Variants in NCL observed in about 807,000 individuals in gnomAD.
The protein encoded by NCL is nucleolin multifunctional protein.
A neutral mutation model predicts 77.7 loss-of-function variants in NCL; 4 were observed. That is an observed-to-expected ratio of 0.05 (90% CI 0.03 to 0.12). The LOEUF (loss-of-function observed/expected upper bound fraction) is 0.12. NCL is among the 10% of genes least tolerant of loss of function. NCL has a pLI of 1.00. For missense variants in NCL, 763 were observed against 860.9 expected (o/e 0.89, Z 1.42); for synonymous variants, 344 against 297.8 (o/e 1.16, Z -1.60).
intron 2 of NCL, 149 bp downstream of exon 2, chr2:231,463,051 A>G: frequency 1.6e-6 from 1 of 639,632 alleles, no homozygotes; most frequent in Non-Finnish European, 2.7e-6. Flanking sequence ...ACATCTTGAC[A>G]TGTCAATGAA....
At chr2:231,458,919 C>T (rs1175776941) in intron 7 of NCL, 82 bp downstream of exon 7, 5 of 1,348,990 alleles carry the variant, frequency 3.7e-6, no homozygotes, top group Non-Finnish European at 4.9e-6. Context: ...TAAGAGGAAA[C>T]CAAGGGAAAT....
chr2:231,456,739 A>C lies in NCL; in HGVS notation c.1597T>G (p.Phe533Val). Reference protein sequence around the residue: ...KGYAFIEFASFEDAKEALNSC... With the variant: ...KGYAFIEFASVEDAKEALNSC... ...TTTAAAGCTTCTTTAGCGTCTTCGA[A>C]TGAAGCAAACTCTATAAATGCATAC... The change falls in exon 11 of 14, where the codon TTC becomes GTC. Residue 533 changes from phenylalanine (F) to valine (V), a missense_variant. Transcript: ENST00000322723. The C allele has an allele frequency of 6.2e-7, 1 of 1,614,174 alleles. No homozygotes were observed. The highest frequency in any genetic ancestry group is 8.5e-7 in the Non-Finnish European group (1 of 1,180,046).
chr2:231,456,160 C>T, intron 11 of NCL, 24 bp from the exon 12 acceptor site: 2 of 1,613,150 alleles, frequency 1.2e-6, no homozygotes, highest in Non-Finnish European at 8.5e-7. Flanking sequence ...AAAAATGTGA[C>T]TTTATGTGAA....
In NCL at chr2:231,460,709, A is replaced by ATCTTCATCT. The variant is rs1559542034; in HGVS notation, c.770_771insAGATGAAGA (p.Asp256_Asp257insGluAspGlu). 3.1e-6 allele frequency: 5 copies of ATCTTCATCT among 1,608,158 alleles called. No homozygotes were observed. Among genetic ancestry groups the ATCTTCATCT allele is most frequent in the Non-Finnish European group, 4.2e-6 (5 of 1,176,928 alleles). On this transcript the variant is annotated inframe_insertion, in exon 4 of 14. Coordinates refer to ENST00000322723, the MANE Select transcript of NCL (RefSeq NM_005381.3). ...CTTCCTCCTCCTCATCATCTTCATC[A>ATCTTCATCT]TCATCATCTTCATCATCTTCGTCGT...
intron 1 of NCL, 80 bp downstream of exon 1, chr2:231,464,256 A>T: frequency 1.3e-6 from 2 of 1,530,990 alleles, no homozygotes; most frequent in South Asian, 2.4e-5. Context: ...GACTGCGCGC[A>T]GGCCCTCCTC....
intron 4 of NCL, 42 bp downstream of exon 4, chr2:231,460,627 T>C (rs772176918): frequency 1.2e-6 from 2 of 1,614,102 alleles, no homozygotes; most frequent in Non-Finnish European, 1.7e-6. Flanking sequence ...GTGCCTCCTT[T>C]AAACATAACT....
At chr2:231,464,180 A>C (rs1357403961) in intron 1 of NCL, 156 bp downstream of exon 1, 3 of 1,432,776 alleles carry the variant, frequency 2.1e-6, no homozygotes, top group Non-Finnish European at 2.8e-6. Flanking sequence ...AGTAGCCAGA[A>C]GCCGCGAGAC....
chr2:231,455,339 T>C, intron 13 of NCL, 62 bp downstream of exon 13: 1 of 1,613,640 alleles, frequency 6.2e-7, no homozygotes, highest in East Asian at 2.2e-5. Flanking sequence ...TTAGGAACCG[T>C]GACAGGGCAC....
intron 11 of NCL, 30 bp from the exon 12 acceptor site, chr2:231,456,166 G>A: frequency 6.2e-7 from 1 of 1,612,976 alleles, no homozygotes; most frequent in Non-Finnish European, 8.5e-7. Flanking sequence ...GTGACTTTAT[G>A]TGAAGTCACA....
At chr2:231,462,927 T>A (rs925301205) in intron 2 of NCL, 3 of 392,546 alleles carry the variant, frequency 7.6e-6, no homozygotes, top group Non-Finnish European at 1.4e-5. Context: ...ATGTTGAAAC[T>A]GGAAAAATGT....
rs960332543 is a variant in NCL, at chr2:231,460,506, A to G, written c.870T>C (p.Ala290=). ...RKKEMAKQKA[A]PEAKKQKVEG... is the part of the protein sequence containing the mutation. ...CCACTTTCTGTTTCTTGGCTTCAGG[A>G]GCTGCTTTCTGTTTGGCCATTTCCT... is the stretch of plus-strand genomic sequence containing the variant. Residue 290 remains alanine (A), a synonymous_variant, in exon 5 of 14, where the codon GCT becomes GCC. Transcript: ENST00000322723. 3 of 1,614,008 alleles carry G rather than the reference A, an allele frequency of 1.9e-6. No homozygotes were observed. The African/African-American group carries it at 4.0e-5, about 22-fold the overall frequency.
chr2:231,463,218 ATCT>A lies in NCL; in HGVS notation c.114_116del (p.Glu38del), dbSNP rs767520552. ...AAATTACCTCTTCTCCACTGCTATC[ATCT>A]TCTTCATCTTCTGACATTTCCTCAT... On this transcript the variant is annotated inframe_deletion, in exon 2 of 14. Transcript: ENST00000322723. 7.2e-5 allele frequency: 116 copies of A among 1,608,652 alleles called. 1 individual carries two copies. In the East Asian group the frequency reaches 2.5e-3, roughly 34 times the overall value.
intron 3 of NCL, 93 bp downstream of exon 3, chr2:231,461,447 A>G: frequency 4.6e-6 from 7 of 1,531,526 alleles, no homozygotes; most frequent in Non-Finnish European, 5.3e-6. Context: ...TTCTAATCTC[A>G]TCTCCAGGTT....
At chr2:231,457,282 G>T in intron 9 of NCL, 158 bp from the exon 10 acceptor site, 1 of 1,018,564 alleles carries the variant, frequency 9.8e-7, no homozygotes, top group Non-Finnish European at 1.5e-6. Flanking sequence ...AACATATTAA[G>T]TACCTAGTAC....
Position 231,455,356 on chromosome 2 carries a change from T to C in NCL, c.2056+45A>G, listed in dbSNP as rs111715301. 116 of 1,613,568 alleles carry C rather than the reference T, an allele frequency of 7.2e-5. No homozygotes were observed. The African/African-American group carries it at 1.1e-3, about 15-fold the overall frequency. ...AGGAACCGTGACAGGGCACAGGGTC[T>C]GAAGAGCACATGCTATGTGGTGTCA... On this transcript the variant is annotated intron_variant, in intron 13 of 13. Coordinates refer to ENST00000322723, the MANE Select transcript of NCL (RefSeq NM_005381.3).
At chr2:231,461,340 TAG>T (rs2046948061) in intron 3 of NCL, among the ~76,000 whole-genome samples, 198 bp downstream of exon 3, 1 of 150,628 alleles carries the variant, frequency 6.6e-6, no homozygotes, top group African/African-American at 2.4e-5. Flanking sequence ...AAAACACTAA[TAG>T]AATGTGCTAT....
chr2:231,455,830 C>A (rs2046882214), intron 12 of NCL, 180 bp downstream of exon 12: 3 of 1,216,538 alleles, frequency 2.5e-6, no homozygotes, highest in Non-Finnish European at 3.6e-6. Flanking sequence ...AAATATACCT[C>A]TGTAAAGACA....
Position 231,464,316 on chromosome 2 carries a change from T to C in NCL, c.18+20A>G. On this transcript the variant is annotated intron_variant, in intron 1 of 13. Transcript: ENST00000322723. ...GGAAAGCAGGCCTACACGTCTGCGC[T>C]CGCGCTCAAGGCCGTTTACCTTCGC... is the stretch of plus-strand genomic sequence containing the variant. The C allele has an allele frequency of 6.3e-7, 1 of 1,586,268 alleles. No individual in the cohort carries two copies. The highest frequency in any genetic ancestry group is 8.6e-7 in the Non-Finnish European group (1 of 1,166,112).
chr2:231,463,215 A>G lies in NCL; in HGVS notation c.120T>C (p.Asp40=). 6.3e-7 allele frequency: 1 copy of G among 1,594,914 alleles called. No homozygotes were observed. Among genetic ancestry groups the G allele is most frequent in the African/African-American group, 1.3e-5 (1 of 74,536 alleles). ...ATAAAATTACCTCTTCTCCACTGCT[A>G]TCATCTTCTTCATCTTCTGACATTT... ...DEEMSEDEED[D]SSGEEVVIPQ... is the part of the protein sequence containing the mutation. The change falls in exon 2 of 14, where the codon GAT becomes GAC. Residue 40 remains aspartate, a synonymous_variant. Transcript: ENST00000322723.
Sources: gnomAD v4.1 joint callset for allele counts (sites outside exome capture counted in the v4.1 genomes callset) on GRCh38, gnomAD v4.1.1 for gene constraint, MANE v1.5 for transcripts, NCBI Gene and HGNC (gene_info 2026-07-23, HGNC 2026-07-21) for gene names.